CCSER2: variants seen among roughly 807,000 people sequenced by gnomAD.
The protein encoded by CCSER2 is serine-rich coiled-coil domain-containing protein 2.
CCSER2 carries 46 observed loss-of-function variants against 92.3 expected under a neutral mutation model. The ratio of observed to expected loss-of-function variants is 0.50; its 90% CI spans 0.39 to 0.64. CCSER2 has a LOEUF of 0.64. Ranked by LOEUF, CCSER2 falls within the 30% of genes least tolerant of loss-of-function variation. The pLI, the probability that CCSER2 is intolerant of heterozygous loss-of-function variation, is 0.00. For synonymous variants in CCSER2, 433 were observed against 431.4 expected, an observed-to-expected ratio of 1.00 and a Z score of -0.04; for missense variants, 1,244 against 1,238.9, an observed-to-expected ratio of 1.00 and a Z score of -0.06.
At chr10:84,496,589 C>T (rs1384421844) in intron 9 of CCSER2, among the ~76,000 whole-genome samples, 4 of 152,140 alleles carry the variant, frequency 2.6e-5, no homozygotes, top group African/African-American at 4.8e-5. Context: ...CCGGCCTTCC[C>T]AGTCCTCCCT....
At chr10:84,358,839 A>T (rs1845344031) in intron 1 of CCSER2, among the ~76,000 whole-genome samples, 1 of 152,098 alleles carries the variant, frequency 6.6e-6, no homozygotes, top group Non-Finnish European at 1.5e-5. Context: ...GCTGTTCATA[A>T]ATTCTTTTTG....
Position 84,507,505 on chromosome 10 carries a change from A to G in CCSER2, c.2326-5944A>G, listed in dbSNP as rs957633412. Among the ~76,000 whole-genome samples, 15 of 152,320 alleles carry G rather than the reference A, an allele frequency of 9.8e-5. No individual in the cohort carries two copies. The South Asian group carries it at 1.0e-3, about 11-fold the overall frequency. On this transcript the variant is annotated intron_variant, in intron 9 of 9. Coordinates refer to ENST00000372088, the MANE Select transcript of CCSER2 (RefSeq NM_001284240.2). Reference sequence around the variant, plus strand: ...GGTTAAAATGTATTTAATAATAACAATAAACTTGTATGTACCCAGGAAAAA... The same window carrying G: ...GGTTAAAATGTATTTAATAATAACAGTAAACTTGTATGTACCCAGGAAAAA...
intron 7 of CCSER2, among the ~76,000 whole-genome samples, chr10:84,466,173 C>T (rs1198401457): frequency 3.3e-5 from 5 of 152,166 alleles, no homozygotes; most frequent in South Asian, 2.1e-4. Context: ...GTATTCTGGT[C>T]TCTTTTGCAT....
intron 3 of CCSER2, chr10:84,391,914 T>G (rs1394555539): frequency 7.4e-7 from 1 of 1,352,260 alleles, no homozygotes; most frequent in Non-Finnish European, 1.1e-6. Flanking sequence ...ACCCAAAAGA[T>G]GATCTCAGAG....
chr10:84,361,502 A>G (rs887049054), intron 1 of CCSER2, among the ~76,000 whole-genome samples: 1 of 152,202 alleles, frequency 6.6e-6, no homozygotes, highest in African/African-American at 2.4e-5. Flanking sequence ...TATAAATGGA[A>G]TCACACTATA....
intron 6 of CCSER2, among the ~76,000 whole-genome samples, chr10:84,441,734 A>ATTTTTTTTTTTTTTTTTTTTT (rs1564667385): frequency 5.6e-5 from 6 of 106,408 alleles, no homozygotes; most frequent in East Asian, 2.6e-4. Context: ...GACTGGGAAA[A>ATTTTTTTTTTTTTTTTTTTTT]TGTTTTTTTT....
chr10:84,368,168 A>G (rs1266145349), intron 1 of CCSER2, among the ~76,000 whole-genome samples: 1 of 152,100 alleles, frequency 6.6e-6, no homozygotes, highest in Non-Finnish European at 1.5e-5. Flanking sequence ...GGGCATGGCA[A>G]ATCAAATTTT....
At chr10:84,504,984 C>A (rs959686841) in intron 9 of CCSER2, among the ~76,000 whole-genome samples, 1 of 151,894 alleles carries the variant, frequency 6.6e-6, no homozygotes, top group Non-Finnish European at 1.5e-5. Flanking sequence ...TACATTTGTC[C>A]TATTTATAAT....
chr10:84,504,247 G>C (rs1420865430), intron 9 of CCSER2, among the ~76,000 whole-genome samples: 1 of 151,130 alleles, frequency 6.6e-6, no homozygotes, highest in Non-Finnish European at 1.5e-5. Context: ...AGGCTAAGAA[G>C]TGTAGATAAT....
chr10:84,493,930 A>G (rs948802683), intron 9 of CCSER2, among the ~76,000 whole-genome samples: 1 of 152,106 alleles, frequency 6.6e-6, no homozygotes, highest in Non-Finnish European at 1.5e-5. Context: ...GTGATGGGAG[A>G]CAGTGACAGA....
At chr10:84,472,282 G>A (rs1382301505) in intron 8 of CCSER2, among the ~76,000 whole-genome samples, 1 of 152,070 alleles carries the variant, frequency 6.6e-6, no homozygotes, top group African/African-American at 2.4e-5. Flanking sequence ...TAAAAGATTG[G>A]GGGAGGCTGG....
At chr10:84,346,567 A>C (rs1041177800) in intron 1 of CCSER2, among the ~76,000 whole-genome samples, 2 of 152,072 alleles carry the variant, frequency 1.3e-5, no homozygotes, top group African/African-American at 4.8e-5. Flanking sequence ...ATCTGCAGAT[A>C]TCACATGATC....
At chr10:84,328,949 C>CTCCAG (rs1187421555) in intron 1 of CCSER2, 141 bp downstream of exon 1, 1 of 151,880 alleles carries the variant, frequency 6.6e-6, no homozygotes, top group Non-Finnish European at 1.5e-5. Flanking sequence ...CGTACCCGGC[C>CTCCAG]TCCAGGGTGA....
intron 3 of CCSER2, among the ~76,000 whole-genome samples, chr10:84,385,296 CA>C (rs1364440553): frequency 3.3e-5 from 5 of 151,972 alleles, no homozygotes; most frequent in African/African-American, 1.2e-4. Flanking sequence ...CCCAAACAGC[CA>C]AAACAATCCT....
intron 6 of CCSER2, chr10:84,455,990 C>A (rs1276402353): frequency 7.0e-6 from 4 of 573,492 alleles, no homozygotes; most frequent in Non-Finnish European, 1.3e-5. Context: ...GTACTCCTTT[C>A]CTAGTAGCCT....
intron 4 of CCSER2, chr10:84,425,136 G>A: frequency 1.0e-6 from 1 of 984,186 alleles, no homozygotes; most frequent in Non-Finnish European, 1.2e-6. Flanking sequence ...GTTTGTTGCT[G>A]CAAACTACTG....
intron 5 of CCSER2, among the ~76,000 whole-genome samples, chr10:84,434,475 G>A (rs1170710190): frequency 6.6e-6 from 1 of 151,998 alleles, no homozygotes; most frequent in African/African-American, 2.4e-5. Context: ...GTTTCTCCCA[G>A]TGGGATTTTA....
At chr10:84,366,929 A>G (rs1661567574) in intron 1 of CCSER2, among the ~76,000 whole-genome samples, 1 of 152,190 alleles carries the variant, frequency 6.6e-6, no homozygotes, top group Non-Finnish European at 1.5e-5. Flanking sequence ...GAGCATAAGA[A>G]CTAGAATTGT....
chr10:84,427,600 G>A (rs1843506596), intron 5 of CCSER2, among the ~76,000 whole-genome samples: 1 of 152,108 alleles, frequency 6.6e-6, no homozygotes, highest in African/African-American at 2.4e-5. Flanking sequence ...GTAACTCAGG[G>A]GTGTTGGGAA....
Sources: gnomAD v4.1 joint callset for allele counts (sites outside exome capture counted in the v4.1 genomes callset) on GRCh38, gnomAD v4.1.1 for gene constraint, MANE v1.5 for transcripts, NCBI Gene and HGNC (gene_info 2026-07-23, HGNC 2026-07-21) for gene names.